Variants in ABHD5 observed in about 807,000 individuals in gnomAD.
The protein encoded by ABHD5 is 1-acylglycerol-3-phosphate O-acyltransferase ABHD5.
Under a neutral mutation model 44.9 loss-of-function variants are expected in ABHD5, and 30 were observed. That is an observed-to-expected ratio of 0.67 (90% CI 0.50 to 0.91). The LOEUF (loss-of-function observed/expected upper bound fraction) is 0.91. Ranked by LOEUF, ABHD5 falls within the 40% of genes least tolerant of loss-of-function variation. ABHD5 has a pLI of 0.00. For missense variants in ABHD5, 399 were observed against 423.4 expected, an observed-to-expected ratio of 0.94 and a Z score of 0.50; for synonymous variants, 167 against 147.0, an observed-to-expected ratio of 1.14 and a Z score of -0.99.
At chr3:43,723,078 A>C (rs1364065189), downstream of ABHD5, among the ~76,000 whole-genome samples, 1 of 152,116 alleles carries the variant, frequency 6.6e-6, no homozygotes, top group Non-Finnish European at 1.5e-5. Context: ...TGTCAAAAGG[A>C]CCCAGGAGCT....
intron 7 of ABHD5, among the ~76,000 whole-genome samples, chr3:43,729,786 A>G (rs574934229): frequency 6.6e-6 from 1 of 152,364 alleles, no homozygotes; most frequent in Admixed American, 6.5e-5. Flanking sequence ...ATGTTAGTAT[A>G]GGCCAGCACT....
chr3:43,702,093 A>G (rs2084548289), intron 2 of ABHD5, 122 bp from the exon 3 acceptor site: 2 of 826,734 alleles, frequency 2.4e-6, no homozygotes, highest in Non-Finnish European at 3.7e-6. Flanking sequence ...AATAGCTGAC[A>G]ATACAAGCTA....
At chr3:43,706,504 G>C (rs1312104938) in intron 3 of ABHD5, among the ~76,000 whole-genome samples, 6 of 148,506 alleles carry the variant, frequency 4.0e-5, no homozygotes, top group Non-Finnish European at 5.9e-5. Context: ...GTCTTACTCT[G>C]TTGCACAGTT....
chr3:43,721,323 A>G lies in ABHD5; in HGVS notation c.*2791A>G, dbSNP rs1437253320. 3.9e-5 allele frequency: 6 copies of G among 152,166 alleles called. No homozygotes were observed. The highest frequency in any genetic ancestry group is 9.6e-5 in the African/African-American group (4 of 41,460). 9.4% of individuals were successfully genotyped at this position (152,166 alleles called of 1,614,324 possible). ...GAACAAAGACCCAATTTTTAAAATG[A>G]AACCCTCTTTCTAACTAGAAGAAAA... is the stretch of plus-strand genomic sequence containing the variant. On this transcript the variant is annotated 3_prime_UTR_variant, in exon 7 of 7. Coordinates refer to ENST00000644371, the MANE Select transcript of ABHD5 (RefSeq NM_016006.6).
At chr3:43,697,439 A>T (rs1360692671) in intron 1 of ABHD5, among the ~76,000 whole-genome samples, 1 of 152,094 alleles carries the variant, frequency 6.6e-6, no homozygotes, top group African/African-American at 2.4e-5. Context: ...AGTTGTAAGT[A>T]ATTTCTTGTT....
Position 43,691,045 on chromosome 3 carries a change from C to A in ABHD5, c.47+6C>A, listed in dbSNP as rs758577205. The A allele has an allele frequency of 3.5e-5, 54 of 1,552,988 alleles. No homozygotes were observed. Among genetic ancestry groups the A allele is most frequent in the Middle Eastern group, 1.7e-4 (1 of 5,864 alleles). ...TCTGCCGACACCGGAGAGAGGTAAG[C>A]GCAGCCGGCAGGGGGCTTCGTGTGT... On this transcript the variant is annotated splice_donor_region_variant and intron_variant, in intron 1 of 6. Coordinates refer to ENST00000644371, the MANE Select transcript of ABHD5 (RefSeq NM_016006.6).
chr3:43,694,924 C>T (rs1388905940), intron 1 of ABHD5: 1 of 152,146 alleles, frequency 6.6e-6, no homozygotes, highest in East Asian at 1.9e-4. Flanking sequence ...TGCTCTGTCA[C>T]CCAGGCTGGA....
intron 2 of ABHD5, among the ~76,000 whole-genome samples, chr3:43,701,124 C>G (rs909252580): frequency 2.6e-5 from 4 of 152,258 alleles, no homozygotes; most frequent in Admixed American, 2.6e-4. Flanking sequence ...TGAAAGTAAG[C>G]TACGGTGGAG....
chr3:43,724,386 T>G (rs1034525714), downstream of ABHD5, among the ~76,000 whole-genome samples: 33 of 152,156 alleles, frequency 2.2e-4, no homozygotes, highest in African/African-American at 8.0e-4. Context: ...TGCAACCCCT[T>G]TGACAAGTCA....
At chr3:43,691,986 G>C (rs1329612900) in intron 1 of ABHD5, among the ~76,000 whole-genome samples, 1 of 152,188 alleles carries the variant, frequency 6.6e-6, no homozygotes, top group African/African-American at 2.4e-5. Flanking sequence ...ATGACTTCTT[G>C]CACTTGTTAG....
At chr3:43,700,576 ATT>A (rs35935629) in intron 2 of ABHD5, among the ~76,000 whole-genome samples, 10 of 144,798 alleles carry the variant, frequency 6.9e-5, no homozygotes, top group Admixed American at 1.4e-4. Flanking sequence ...TCTTTCATGA[ATT>A]TTTTTTTTTT....
Position 43,717,826 on chromosome 3 carries a change from C to T in ABHD5, c.929C>T (p.Ser310Phe), listed in dbSNP as rs772591700. 5.6e-6 allele frequency: 9 copies of T among 1,614,182 alleles called. No individual in the cohort carries two copies. The highest frequency in any genetic ancestry group is 7.6e-6 in the Non-Finnish European group (9 of 1,180,032). Residue 310 changes from serine (S) to phenylalanine (F), a missense_variant, in exon 6 of 7, where the codon TCC becomes TTC. Physicochemically the swap from Ser to Phe is radical, Grantham distance 155. Transcript: ENST00000644371. ...GGCAATTCTGGCACCAGCATCCAGT[C>T]CTTACGACCACATTCATATGTGAAG... ...IDGNSGTSIQ[S>F]LRPHSYVKTI...
chr3:43,706,580 T>G (rs2084622916), intron 3 of ABHD5, among the ~76,000 whole-genome samples: 1 of 152,022 alleles, frequency 6.6e-6, no homozygotes, highest in Non-Finnish European at 1.5e-5. Context: ...AAACCTCCCG[T>G]GTAGCTAGTA....
At chr3:43,708,841 C>T (rs2084654148) in intron 3 of ABHD5, among the ~76,000 whole-genome samples, 1 of 152,006 alleles carries the variant, frequency 6.6e-6, no homozygotes, top group South Asian at 2.1e-4. Flanking sequence ...ATTGTATCAC[C>T]CCACAAAACT....
intron 1 of ABHD5, 52 bp from the exon 2 acceptor site, chr3:43,699,224 G>A: frequency 6.8e-7 from 1 of 1,463,058 alleles, no homozygotes; most frequent in Non-Finnish European, 9.6e-7. Flanking sequence ...ACAATTGGTA[G>A]TTGAGAAGAG....
At chr3:43,715,230 G>T (rs2084749093) in intron 5 of ABHD5, among the ~76,000 whole-genome samples, 172 bp downstream of exon 5, 1 of 151,964 alleles carries the variant, frequency 6.6e-6, no homozygotes, top group African/African-American at 2.4e-5. Flanking sequence ...GTGCGATCTT[G>T]GCTCACCACA....
At chr3:43,709,635 G>A (rs957501710) in intron 3 of ABHD5, among the ~76,000 whole-genome samples, 2 of 152,206 alleles carry the variant, frequency 1.3e-5, no homozygotes, top group Non-Finnish European at 2.9e-5. Context: ...AATAGTGGCT[G>A]TTTCTTAACA....
chr3:43,694,327 G>A (rs759266272), intron 1 of ABHD5, among the ~76,000 whole-genome samples: 17 of 148,464 alleles, frequency 1.1e-4, no homozygotes, highest in East Asian at 2.0e-4. Flanking sequence ...TCATTGCCTT[G>A]ACTAATTGTT....
chr3:43,722,861 T>C (rs1333335313), downstream of ABHD5: 6 of 152,216 alleles, frequency 3.9e-5, no homozygotes, highest in African/African-American at 9.7e-5. Context: ...CACAAGAATA[T>C]AATAAAGAAT....
Sources: gnomAD v4.1 joint callset for allele counts (sites outside exome capture counted in the v4.1 genomes callset) on GRCh38, gnomAD v4.1.1 for gene constraint, MANE v1.5 for transcripts, NCBI Gene and HGNC (gene_info 2026-07-23, HGNC 2026-07-21) for gene names.